Variants in HSPA12A observed in about 807,000 individuals in gnomAD.
HSPA12A encodes heat shock 70 kDa protein 12A.
HSPA12A carries 28 observed loss-of-function variants against 69.2 expected under a neutral mutation model. The ratio of observed to expected loss-of-function variants is 0.40; its 90% CI spans 0.30 to 0.55. The LOEUF (loss-of-function observed/expected upper bound fraction) is 0.55. Ranked by LOEUF, HSPA12A falls within the 20% of genes least tolerant of loss-of-function variation. The pLI is 0.38. For missense variants in HSPA12A, 686 were observed against 900.7 expected, an observed-to-expected ratio of 0.76 and a Z score of 3.05; for synonymous variants, 345 against 370.5, an observed-to-expected ratio of 0.93 and a Z score of 0.79.
At chr10:116,794,587 T>A (rs1191197860) in intron 2 of HSPA12A, among the ~76,000 whole-genome samples, 1 of 152,096 alleles carries the variant, frequency 6.6e-6, no homozygotes, top group African/African-American at 2.4e-5. Flanking sequence ...GCAAGGTGGG[T>A]GGATAACTTG....
chr10:116,789,206 G>A (rs972644284), intron 2 of HSPA12A, among the ~76,000 whole-genome samples: 4 of 152,030 alleles, frequency 2.6e-5, no homozygotes, highest in East Asian at 1.9e-4. Flanking sequence ...GCTGCAATAT[G>A]TCAAAGATAT....
chr10:116,752,822 A>T (rs1851803521), intron 2 of HSPA12A, among the ~76,000 whole-genome samples: 1 of 152,162 alleles, frequency 6.6e-6, no homozygotes, highest in Admixed American at 6.5e-5. Flanking sequence ...ATTTCCTTAG[A>T]TAATGCTTAA....
intron 2 of HSPA12A, among the ~76,000 whole-genome samples, chr10:116,762,674 C>T (rs761851586): frequency 1.3e-5 from 2 of 152,212 alleles, no homozygotes; most frequent in Non-Finnish European, 2.9e-5. Context: ...ACCTTCACCT[C>T]CTGGGTTCAA....
intron 1 of HSPA12A, among the ~76,000 whole-genome samples, chr10:116,734,349 C>T (rs782322881): frequency 2.0e-5 from 3 of 151,402 alleles, no homozygotes; most frequent in Non-Finnish European, 4.4e-5. Flanking sequence ...ACTCGGGAAG[C>T]TGAGGCAGAA....
chr10:116,718,691 T>C (rs1222659043), intron 1 of HSPA12A, among the ~76,000 whole-genome samples: 1 of 152,172 alleles, frequency 6.6e-6, no homozygotes, highest in African/African-American at 2.4e-5. Flanking sequence ...CTTGAAGGGC[T>C]GCACTGCCTA....
intron 5 of HSPA12A, among the ~76,000 whole-genome samples, chr10:116,695,990 G>A (rs1353176948): frequency 4.9e-4 from 29 of 58,676 alleles, no homozygotes; most frequent in African/African-American, 2.5e-3. Context: ...GCAACAGAGA[G>A]AGACTCCATC....
intron 2 of HSPA12A, among the ~76,000 whole-genome samples, chr10:116,793,200 A>G (rs1844737365): frequency 6.6e-6 from 1 of 152,244 alleles, no homozygotes; most frequent in Admixed American, 6.5e-5. Flanking sequence ...AAAGATCTAA[A>G]ATGCAAAAGG....
intron 3 of HSPA12A, among the ~76,000 whole-genome samples, chr10:116,702,855 G>A (rs377563407): frequency 3.9e-5 from 6 of 152,068 alleles, no homozygotes; most frequent in South Asian, 2.1e-4. Context: ...CCAAAATGTC[G>A]ACCATTACTA....
rs782001524 is a variant in HSPA12A, at chr10:116,698,656, G to A, written c.525C>T (p.Tyr175=). 4.3e-6 allele frequency: 7 copies of A among 1,613,814 alleles called. No individual in the cohort carries two copies. The Admixed American group carries it at 1.0e-4, about 23-fold the overall frequency. Reference sequence around the variant, plus strand: ...CTACCTTCAGCGCCTGCTCCTTAAAGTACTGCAGGGCATAAGCAAAGATTT... The same window carrying A: ...CTACCTTCAGCGCCTGCTCCTTAAAATACTGCAGGGCATAAGCAAAGATTT... ...ALEIFAYALQ[Y]FKEQALKELS... is the part of the protein sequence containing the mutation. Residue 175 remains tyrosine, a synonymous_variant, in exon 5 of 12, where the codon TAC becomes TAT. Coordinates refer to ENST00000369209, the MANE Select transcript of HSPA12A (RefSeq NM_025015.3).
chr10:116,826,028 A>G (rs548411886), intron 2 of HSPA12A, among the ~76,000 whole-genome samples: 9 of 152,276 alleles, frequency 5.9e-5, no homozygotes, highest in Non-Finnish European at 1.3e-4. Flanking sequence ...GGGCTGTCAC[A>G]TGGAAAGGGA....
At chr10:116,702,631 C>T (rs1850113229) in intron 3 of HSPA12A, among the ~76,000 whole-genome samples, 1 of 152,216 alleles carries the variant, frequency 6.6e-6, no homozygotes, top group African/African-American at 2.4e-5. Context: ...GCAGCTGCTC[C>T]ACACACTGCC....
intron 1 of HSPA12A, among the ~76,000 whole-genome samples, chr10:116,709,999 G>C (rs576900755): frequency 6.6e-6 from 1 of 152,338 alleles, no homozygotes; most frequent in East Asian, 1.9e-4. Flanking sequence ...CTTGAAAAGA[G>C]AATGGAGAAG....
In HSPA12A at chr10:116,685,827, G is replaced by A. The variant is rs200911042; in HGVS notation, c.664-1865C>T. 2.6e-5 allele frequency among the ~76,000 whole-genome samples: 4 copies of A among 152,242 alleles called. No individual in the cohort carries two copies. The East Asian group carries it at 5.8e-4, about 22-fold the overall frequency. On this transcript the variant is annotated intron_variant, in intron 6 of 11. Transcript: ENST00000369209. ...GCAGGTGACTGAACATCTTCACTCT[G>A]TAAATACCAAATGCCTCAAAATGGC...
intron 2 of HSPA12A, among the ~76,000 whole-genome samples, chr10:116,776,534 G>A (rs1044085800): frequency 2.0e-5 from 3 of 151,986 alleles, no homozygotes; most frequent in African/African-American, 7.3e-5. Context: ...AACAAAACCC[G>A]GCATTCAAGA....
chr10:116,740,362 C>T (rs1851447921), intron 1 of HSPA12A, among the ~76,000 whole-genome samples: 1 of 152,124 alleles, frequency 6.6e-6, no homozygotes, highest in East Asian at 1.9e-4. Context: ...CAGGGGCAAG[C>T]CAACTCTGCT....
intron 1 of HSPA12A, chr10:116,835,260 G>A: frequency 4.0e-6 from 1 of 250,118 alleles, no homozygotes; most frequent in Non-Finnish European, 7.6e-6. Context: ...GTTTTCATCT[G>A]CAAGACAGAG....
chr10:116,675,396 C>A lies in HSPA12A; in HGVS notation c.1413G>T (p.Glu471Asp). ...GAAAGAGGAACTTGACGGTGGACAC[C>A]TCGGGCTTCTGAAACAGGTCCCCTG... ...EHLRDLFQKP[E>D]VSTVKFLFLV... Residue 471 changes from glutamate (E) to aspartate (D), a missense_variant, in exon 12 of 12, where the codon GAG becomes GAT. Physicochemically the swap from Glu to Asp is conservative, Grantham distance 45. Coordinates refer to ENST00000369209, the MANE Select transcript of HSPA12A (RefSeq NM_025015.3). The surrounding 1 kb of genome is among the most constrained non-coding windows in gnomAD (Gnocchi z 5.2). 6.3e-7 allele frequency: 1 copy of A among 1,599,180 alleles called. No homozygotes were observed. Among genetic ancestry groups the A allele is most frequent in the Non-Finnish European group, 8.5e-7 (1 of 1,173,094 alleles).
chr10:116,709,793 T>C (rs1850371177), intron 1 of HSPA12A, among the ~76,000 whole-genome samples: 1 of 152,178 alleles, frequency 6.6e-6, no homozygotes, highest in South Asian at 2.1e-4. Context: ...TTGCACAACA[T>C]TGTGAATATA....
intron 1 of HSPA12A, among the ~76,000 whole-genome samples, chr10:116,709,730 C>T (rs546817183): frequency 6.6e-6 from 1 of 152,126 alleles, no homozygotes; most frequent in African/African-American, 2.4e-5. Flanking sequence ...TTAATGAGTA[C>T]AGAATTTCTC....
Sources: allele counts gnomAD v4.1 joint callset (sites outside exome capture counted in the v4.1 genomes callset), GRCh38; gene constraint gnomAD v4.1.1; non-coding constraint Gnocchi (gnomAD v3.1); transcripts MANE v1.5; gene names NCBI Gene and HGNC (gene_info 2026-07-23, HGNC 2026-07-21).